The following SNX7 variants were observed in gnomAD, a reference collection of about 807,000 sequenced individuals.
The protein encoded by SNX7 is sorting nexin 7.
Under a neutral mutation model 48.4 loss-of-function variants are expected in SNX7, and 35 were observed. That is an observed-to-expected ratio of 0.72 (90% CI 0.55 to 0.96). The LOEUF is 0.96. SNX7 is among the 40% of genes least tolerant of loss of function. SNX7 has a pLI of 0.00. For missense variants in SNX7, 553 were observed against 548.9 expected (o/e 1.01, Z -0.07); for synonymous variants, 190 against 190.2 (o/e 1.00, Z 0.01).
At chr1:98,720,349 A>G (rs1557819825) in intron 7 of SNX7, among the ~76,000 whole-genome samples, 1 of 152,108 alleles carries the variant, frequency 6.6e-6, no homozygotes, top group Non-Finnish European at 1.5e-5. Flanking sequence ...TATATCTAAA[A>G]CTACCATTAA....
rs549645479 is a variant in SNX7 at position 98,702,654 on chromosome 1, G to A, written c.1125+751G>A. Among the ~76,000 whole-genome samples the A allele has an allele frequency of 5.9e-5, 9 of 152,160 alleles. No homozygotes were observed. In the East Asian group the frequency reaches 1.5e-3, roughly 26 times the overall value. ...AAGGTGAGAAGACTCTTGAAAGGTA[G>A]AGTAATTTGCCTAAGTTTATATATA... On this transcript the variant is annotated intron_variant, in intron 7 of 8. Coordinates refer to ENST00000306121, the MANE Select transcript of SNX7 (RefSeq NM_015976.5).
intron 4 of SNX7, among the ~76,000 whole-genome samples, chr1:98,693,214 A>G (rs960897306): frequency 7.2e-5 from 11 of 152,118 alleles, no homozygotes; most frequent in African/African-American, 2.4e-4. Flanking sequence ...GGACAGATAG[A>G]TAATATAATC....
intron 7 of SNX7, among the ~76,000 whole-genome samples, chr1:98,722,159 C>T (rs1652913632): frequency 6.6e-6 from 1 of 152,060 alleles, no homozygotes; most frequent in Middle Eastern, 3.2e-3. Context: ...TGTTTTATGA[C>T]TCAATTTGTC....
chr1:98,729,591 C>A (rs1285485495), intron 7 of SNX7, among the ~76,000 whole-genome samples: 1 of 151,664 alleles, frequency 6.6e-6, no homozygotes, highest in Admixed American at 6.6e-5. Context: ...CATCACTGAC[C>A]CCACAGAAAC....
intron 8 of SNX7, among the ~76,000 whole-genome samples, chr1:98,751,556 A>C (rs1486887947): frequency 1.3e-5 from 2 of 151,994 alleles, no homozygotes; most frequent in East Asian, 3.9e-4. Flanking sequence ...TTTGGCTACA[A>C]CTGCAGCCAC....
chr1:98,733,173 G>T (rs962136261), intron 7 of SNX7, among the ~76,000 whole-genome samples: 1 of 151,972 alleles, frequency 6.6e-6, no homozygotes, highest in Non-Finnish European at 1.5e-5. Flanking sequence ...ATACTATTTG[G>T]CACAGTGAAT....
rs141206164 is a variant in SNX7 at position 98,740,467 on chromosome 1, C to T, written c.1278+2078C>T. 5.3e-3 allele frequency among the ~76,000 whole-genome samples: 799 copies of T among 152,026 alleles called. 4 individuals carry two copies. Among genetic ancestry groups the T allele is most frequent in the Middle Eastern group, 0.014 (4 of 294 alleles). On this transcript the variant is annotated intron_variant, in intron 8 of 8. Transcript: ENST00000306121. ...AGTTTTCTATAAATGATTACAAAAC[C>T]TAAGTATATTAGGGTATAAAAATCA...
chr1:98,744,557 A>G (rs1654228217), intron 8 of SNX7, among the ~76,000 whole-genome samples: 1 of 152,088 alleles, frequency 6.6e-6, no homozygotes, highest in African/African-American at 2.4e-5. Flanking sequence ...AGGAATTAAT[A>G]TGTTACCAAA....
chr1:98,753,179 G>A (rs527936636), intron 8 of SNX7, among the ~76,000 whole-genome samples: 2 of 152,052 alleles, frequency 1.3e-5, no homozygotes, highest in East Asian at 1.9e-4. Flanking sequence ...ATTCATATCA[G>A]TATATGGCAG....
chr1:98,759,062 G>T (rs1002759473), intron 8 of SNX7, among the ~76,000 whole-genome samples: 4 of 151,814 alleles, frequency 2.6e-5, no homozygotes, highest in Non-Finnish European at 5.9e-5. Context: ...ATTAGTGCTG[G>T]TTGTCCGATA....
chr1:98,731,666 A>G (rs983603653), intron 7 of SNX7, among the ~76,000 whole-genome samples: 2 of 152,156 alleles, frequency 1.3e-5, no homozygotes, highest in Admixed American at 1.3e-4. Context: ...TCTGTGGTGT[A>G]GCCTGTTGTT....
At chr1:98,694,596 A>ATT (rs764330196) in intron 4 of SNX7, among the ~76,000 whole-genome samples, 818 of 53,210 alleles carry the variant, frequency 0.015, 165 homozygotes, top group African/African-American at 0.026. Flanking sequence ...TTGCTCTGGG[A>ATT]TTTTTTTTTT....
intron 7 of SNX7, among the ~76,000 whole-genome samples, chr1:98,733,056 T>G (rs1288845914): frequency 6.6e-6 from 1 of 152,118 alleles, no homozygotes; most frequent in Non-Finnish European, 1.5e-5. Flanking sequence ...ATTGGAAGCT[T>G]CAAAGCTTAA....
At chr1:98,688,512 T>C (rs1277792322) in intron 2 of SNX7, among the ~76,000 whole-genome samples, 1 of 152,224 alleles carries the variant, frequency 6.6e-6, no homozygotes, top group African/African-American at 2.4e-5. Flanking sequence ...TGTCATTGTA[T>C]AGTTAGGAGT....
In SNX7 at chr1:98,685,528, A is replaced by G. The variant is rs114457040; in HGVS notation, c.363+461A>G. On this transcript the variant is annotated intron_variant, in intron 2 of 8. Coordinates refer to ENST00000306121, the MANE Select transcript of SNX7 (RefSeq NM_015976.5). ...TGTATGAGATACTGTTATGTGTGCA[A>G]TAATTCAAGAGCAAAGTAGATCTAG... 6.4e-3 allele frequency among the ~76,000 whole-genome samples: 970 copies of G among 152,278 alleles called. 16 individuals are homozygous for G. Among genetic ancestry groups the G allele is most frequent in the African/African-American group, 0.022 (934 of 41,568 alleles).
At chr1:98,678,154 G>A (rs976487473) in intron 1 of SNX7, among the ~76,000 whole-genome samples, 12 of 152,130 alleles carry the variant, frequency 7.9e-5, no homozygotes, top group African/African-American at 2.9e-4. Flanking sequence ...CTGTAGTGAG[G>A]GCTTTAGGCA....
intron 8 of SNX7, among the ~76,000 whole-genome samples, chr1:98,743,690 G>A (rs138500826): frequency 2.0e-5 from 3 of 152,104 alleles, no homozygotes; most frequent in East Asian, 3.9e-4. Flanking sequence ...GTGTCCAGAA[G>A]GTTCTTCAAG....
intron 8 of SNX7, among the ~76,000 whole-genome samples, chr1:98,747,463 C>T (rs1038833410): frequency 6.6e-6 from 1 of 152,108 alleles, no homozygotes; most frequent in Non-Finnish European, 1.5e-5. Context: ...CAAATATTGT[C>T]CAGCTTTTGT....
intron 1 of SNX7, among the ~76,000 whole-genome samples, chr1:98,663,253 GTTTTTTTTTT>G (rs61588201): frequency 2.4e-5 from 1 of 41,508 alleles, no homozygotes; most frequent in Admixed American, 3.2e-4. Flanking sequence ...TTTCTTTCTG[GTTTTTTTTTT>G]TTTTTTTTTT....
Sources: allele counts gnomAD v4.1 joint callset (sites outside exome capture counted in the v4.1 genomes callset), GRCh38; gene constraint gnomAD v4.1.1; transcripts MANE v1.5; gene names NCBI Gene and HGNC (gene_info 2026-07-23, HGNC 2026-07-21).